The following HDAC4 variants were observed in gnomAD, a reference collection of about 807,000 sequenced individuals.
The protein encoded by HDAC4 is histone deacetylase A.
HDAC4 carries 16 observed loss-of-function variants against 135.1 expected under a neutral mutation model. The ratio of observed to expected loss-of-function variants is 0.12; its 90% CI spans 0.08 to 0.18. The LOEUF (loss-of-function observed/expected upper bound fraction) is 0.18. HDAC4 is among the 10% of genes least tolerant of loss of function. HDAC4 has a pLI of 1.00. For missense variants in HDAC4, 1,143 were observed against 1,511.8 expected, an observed-to-expected ratio of 0.76 and a Z score of 4.05; for synonymous variants, 685 against 653.4, an observed-to-expected ratio of 1.05 and a Z score of -0.74.
chr2:239,331,129 A>T lies in HDAC4; in HGVS notation c.22+21549T>A, dbSNP rs146017011. Among the ~76,000 whole-genome samples, 59 of 152,384 alleles carry T rather than the reference A, an allele frequency of 3.9e-4. No individual in the cohort carries two copies. In the East Asian group the frequency reaches 0.01, roughly 27 times the overall value. On this transcript the variant is annotated intron_variant, in intron 2 of 26. Coordinates refer to ENST00000543185, the MANE Select transcript of HDAC4 (RefSeq NM_001378414.1). This position sits in a 1 kb window ranked among gnomAD's most constrained non-coding sequence, Gnocchi z 4.5. Reference sequence around the variant, plus strand: ...GCCAAGTGAAGCTCTCAGCCTGCCCAGGAGGAAGCGGGGCTGATGGGCCAT... The same window carrying T: ...GCCAAGTGAAGCTCTCAGCCTGCCCTGGAGGAAGCGGGGCTGATGGGCCAT...
At chr2:239,323,700 T>C (rs1424528124) in intron 2 of HDAC4, among the ~76,000 whole-genome samples, 4 of 151,938 alleles carry the variant, frequency 2.6e-5, no homozygotes, top group Non-Finnish European at 4.4e-5. Flanking sequence ...TGAATTCATG[T>C]CTCCGCCCAA....
intron 2 of HDAC4, chr2:239,298,621 G>C: frequency 2.0e-6 from 2 of 992,678 alleles, no homozygotes; most frequent in Non-Finnish European, 2.4e-6. Context: ...GCAGTGATAG[G>C]AACAGCCTGC....
At position 239,180,067 on chromosome 2, in the gene HDAC4, C is replaced by T. The variant is rs116166984; in HGVS notation, c.340-3504G>A. Among the ~76,000 whole-genome samples the T allele has an allele frequency of 1.8e-3, 280 of 152,194 alleles. 1 individual carries two copies. The highest frequency in any genetic ancestry group is 6.3e-3 in the African/African-American group (262 of 41,538). ...GTGACGGGGGCAGGCGGTGTGTGTC[C>T]GGGAACATCTCCTGCATCTTGCTGG... On this transcript the variant is annotated intron_variant, in intron 4 of 26. Coordinates refer to ENST00000543185, the MANE Select transcript of HDAC4 (RefSeq NM_001378414.1).
chr2:239,332,964 G>A (rs1467519861), intron 2 of HDAC4, among the ~76,000 whole-genome samples: 1 of 152,050 alleles, frequency 6.6e-6, no homozygotes, highest in Non-Finnish European at 1.5e-5. Flanking sequence ...GATGCAGATG[G>A]AATGTAAAAA....
At chr2:239,105,941 G>A (rs971968746) in intron 15 of HDAC4, among the ~76,000 whole-genome samples, 2 of 152,336 alleles carry the variant, frequency 1.3e-5, no homozygotes, top group East Asian at 1.9e-4. Context: ...AGGGGCACCC[G>A]CACTGGAGAG....
chr2:239,188,783 C>T (rs566091490), intron 4 of HDAC4, among the ~76,000 whole-genome samples: 56 of 152,366 alleles, frequency 3.7e-4, no homozygotes, highest in Admixed American at 1.0e-3. Flanking sequence ...TGCTTCCTCT[C>T]GGGTTGCTCC....
chr2:239,181,600 C>T (rs915476902), intron 4 of HDAC4, among the ~76,000 whole-genome samples: 1 of 152,252 alleles, frequency 6.6e-6, no homozygotes, highest in Non-Finnish European at 1.5e-5. Context: ...TTGCCGTGTC[C>T]TTCATCAGGG....
intron 16 of HDAC4, among the ~76,000 whole-genome samples, chr2:239,100,056 A>C (rs182215249): frequency 2.6e-5 from 4 of 152,346 alleles, no homozygotes; most frequent in African/African-American, 9.6e-5. Flanking sequence ...GGCCCCATGG[A>C]GTCTGCAGGT....
At chr2:239,253,572 G>C (rs1187691363) in intron 2 of HDAC4, among the ~76,000 whole-genome samples, 1 of 152,178 alleles carries the variant, frequency 6.6e-6, no homozygotes, top group African/African-American at 2.4e-5. Context: ...CAGAGCTACA[G>C]AACACAGCAA....
At chr2:239,067,582 C>T (rs2033679080) in intron 23 of HDAC4, among the ~76,000 whole-genome samples, 1 of 152,332 alleles carries the variant, frequency 6.6e-6, no homozygotes, top group Admixed American at 6.5e-5. Context: ...CCGCGGTGCT[C>T]CGGGCCGGGT....
intron 20 of HDAC4, among the ~76,000 whole-genome samples, chr2:239,083,094 T>C (rs2035513984): frequency 6.6e-6 from 1 of 152,228 alleles, no homozygotes; most frequent in Non-Finnish European, 1.5e-5. Context: ...AAGACGCACA[T>C]GGAGGCTTTC....
At chr2:239,260,815 ACATTG>A (rs1203657678) in intron 2 of HDAC4, among the ~76,000 whole-genome samples, 2 of 152,224 alleles carry the variant, frequency 1.3e-5, no homozygotes, top group Non-Finnish European at 2.9e-5. Flanking sequence ...AAGGCGGCTC[ACATTG>A]CATTGTGCAA....
At chr2:239,330,578 C>T (rs181773067) in intron 2 of HDAC4, among the ~76,000 whole-genome samples, 304 of 152,344 alleles carry the variant, frequency 2.0e-3, no homozygotes, top group Non-Finnish European at 3.9e-3. Flanking sequence ...AAGGCAGCCA[C>T]GTGGCAGAAG....
intron 2 of HDAC4, among the ~76,000 whole-genome samples, chr2:239,301,009 C>G (rs889657188): frequency 6.6e-6 from 1 of 152,228 alleles, no homozygotes; most frequent in Non-Finnish European, 1.5e-5. Context: ...ACAAGCCCTG[C>G]CCCCTCCTCC....
chr2:239,221,967 A>T (rs2046980674), intron 3 of HDAC4, among the ~76,000 whole-genome samples: 1 of 152,234 alleles, frequency 6.6e-6, no homozygotes, highest in Non-Finnish European at 1.5e-5. Flanking sequence ...TTTACTCAAA[A>T]ACGTATTCCA....
chr2:239,082,243 C>T, intron 20 of HDAC4, 22 bp from the exon 21 acceptor site: 1 of 1,614,198 alleles, frequency 6.2e-7, no homozygotes, highest in Non-Finnish European at 8.5e-7. Flanking sequence ...GGGACAACTA[C>T]TTCAGGGCTG....
chr2:239,192,770 C>T (rs549643216), intron 3 of HDAC4, among the ~76,000 whole-genome samples: 19 of 152,312 alleles, frequency 1.2e-4, no homozygotes, highest in African/African-American at 2.9e-4. Flanking sequence ...TGAGCGGGCC[C>T]GTGCTTTCCA....
chr2:239,160,896 G>T (rs1575238095), intron 6 of HDAC4, among the ~76,000 whole-genome samples: 1 of 152,228 alleles, frequency 6.6e-6, no homozygotes, highest in African/African-American at 2.4e-5. Context: ...GTTTTCCCAC[G>T]TGTGATTCAG....
At chr2:239,287,221 C>T (rs933064527) in intron 2 of HDAC4, among the ~76,000 whole-genome samples, 31 of 152,234 alleles carry the variant, frequency 2.0e-4, no homozygotes, top group Admixed American at 1.6e-3. Context: ...AGACCCCACC[C>T]AGGACCCCAC....
Sources: gnomAD v4.1 joint callset for allele counts (sites outside exome capture counted in the v4.1 genomes callset) on GRCh38, gnomAD v4.1.1 for gene constraint, Gnocchi (gnomAD v3.1) non-coding constraint, MANE v1.5 for transcripts, NCBI Gene and HGNC (gene_info 2026-07-23, HGNC 2026-07-21) for gene names.